The following NCALD variants were observed in gnomAD, a reference collection of about 807,000 sequenced individuals.
NCALD encodes neurocalcin-delta.
Under a neutral mutation model 18.6 loss-of-function variants are expected in NCALD, and 10 were observed. That is an observed-to-expected ratio of 0.54 (90% confidence interval 0.33 to 0.91). The LOEUF (loss-of-function observed/expected upper bound fraction) is 0.91, where lower values mean the gene tolerates loss of function less well. Ranked by LOEUF, NCALD falls within the 40% of genes least tolerant of loss-of-function variation. The pLI is 0.03. For missense variants in NCALD, 184 were observed against 247.6 expected, an observed-to-expected ratio of 0.74 and a Z score of 1.72; for synonymous variants, 88 against 87.4, an observed-to-expected ratio of 1.01 and a Z score of -0.04.
intron 4 of NCALD, among the ~76,000 whole-genome samples, chr8:101,801,335 A>G (rs1032577809): frequency 6.6e-6 from 1 of 152,200 alleles, no homozygotes; most frequent in African/African-American, 2.4e-5. Context: ...TTAAATTACA[A>G]AATTAACCAA....
chr8:101,793,629 T>A (rs1363975175), upstream of NCALD, among the ~76,000 whole-genome samples: 2 of 152,306 alleles, frequency 1.3e-5, no homozygotes, highest in East Asian at 3.9e-4. Flanking sequence ...GTTGAAAGTA[T>A]CACAGGAAAT....
chr8:101,853,866 C>A (rs553312294), intron 4 of NCALD, among the ~76,000 whole-genome samples: 4 of 152,252 alleles, frequency 2.6e-5, no homozygotes, highest in South Asian at 4.1e-4. Flanking sequence ...TCCTTTCCAC[C>A]AACCTAGGGT....
At chr8:101,748,207 T>C (rs755097940) in intron 1 of NCALD, among the ~76,000 whole-genome samples, 3 of 152,114 alleles carry the variant, frequency 2.0e-5, no homozygotes, top group Non-Finnish European at 2.9e-5. Context: ...TGTGTCCCCA[T>C]GGCTTATTAA....
intron 1 of NCALD, among the ~76,000 whole-genome samples, chr8:101,732,417 T>G (rs932379814): frequency 6.6e-6 from 1 of 152,012 alleles, no homozygotes; most frequent in East Asian, 1.9e-4. Flanking sequence ...AGACCCTCCA[T>G]AGACTCTAAG....
At chr8:101,939,466 T>C (rs1352978425) in intron 2 of NCALD, among the ~76,000 whole-genome samples, 3 of 152,222 alleles carry the variant, frequency 2.0e-5, no homozygotes, top group African/African-American at 7.2e-5. Context: ...TTTCAATGAC[T>C]TAGATAATGA....
At chr8:101,722,583 C>G (rs904257094) in intron 1 of NCALD, among the ~76,000 whole-genome samples, 2 of 152,202 alleles carry the variant, frequency 1.3e-5, no homozygotes, top group African/African-American at 4.8e-5. Flanking sequence ...TAAATCTACT[C>G]TCTTAAAGAA....
intron 1 of NCALD, among the ~76,000 whole-genome samples, chr8:101,722,178 G>A (rs1816390546): frequency 1.3e-5 from 2 of 152,078 alleles, no homozygotes; most frequent in Non-Finnish European, 1.5e-5. Context: ...TTATGCAAAA[G>A]CAAAATTCAA....
intron 4 of NCALD, among the ~76,000 whole-genome samples, chr8:101,854,146 G>A (rs1002736362): frequency 2.0e-5 from 3 of 152,210 alleles, no homozygotes; most frequent in Non-Finnish European, 2.9e-5. Context: ...AAAGGAGAGA[G>A]TATTCCCTTA....
At chr8:101,947,096 C>T (rs1427562687) in intron 2 of NCALD, among the ~76,000 whole-genome samples, 1 of 152,178 alleles carries the variant, frequency 6.6e-6, no homozygotes, top group African/African-American at 2.4e-5. Context: ...GGAGATGGAA[C>T]ATGGCTTTAT....
At chr8:102,121,031 G>T (rs1825929918) in intron 1 of NCALD, among the ~76,000 whole-genome samples, 1 of 152,160 alleles carries the variant, frequency 6.6e-6, no homozygotes, top group Non-Finnish European at 1.5e-5. Flanking sequence ...CTTTCTTGCT[G>T]AGCCCAGACC....
chr8:101,897,184 C>A (rs1420397316), intron 3 of NCALD, among the ~76,000 whole-genome samples: 1 of 124,158 alleles, frequency 8.1e-6, no homozygotes, highest in African/African-American at 3.2e-5. Flanking sequence ...TACTATGCAG[C>A]CATAAAAAAT....
exon 1 of NCALD, chr8:102,124,296 C>G (rs921538520): frequency 6.6e-6 from 1 of 151,518 alleles, no homozygotes; most frequent in Admixed American, 6.6e-5. Context: ...GCAGCGGCAG[C>G]GCCTTCCCTC....
intron 1 of NCALD, among the ~76,000 whole-genome samples, chr8:102,091,399 T>G (rs1824919010): frequency 6.6e-6 from 1 of 152,232 alleles, no homozygotes; most frequent in Non-Finnish European, 1.5e-5. Flanking sequence ...TTCTGCAACT[T>G]AGGCTAACCT....
intron 1 of NCALD, among the ~76,000 whole-genome samples, chr8:102,091,767 G>T (rs1824931354): frequency 6.6e-6 from 1 of 152,106 alleles, no homozygotes; most frequent in Non-Finnish European, 1.5e-5. Flanking sequence ...AGTTATGAAT[G>T]GCCCTCACCA....
intron 2 of NCALD, among the ~76,000 whole-genome samples, chr8:101,710,457 A>G (rs1347088709): frequency 1.3e-5 from 2 of 152,218 alleles, no homozygotes; most frequent in African/African-American, 4.8e-5. Flanking sequence ...CAGGGAGCCA[A>G]GTGGTCTTGC....
At chr8:102,067,186 T>G (rs913356838) in intron 1 of NCALD, among the ~76,000 whole-genome samples, 6 of 152,222 alleles carry the variant, frequency 3.9e-5, no homozygotes, top group Admixed American at 3.3e-4. Context: ...ACCTGTTATA[T>G]GTGCAAACCC....
intron 2 of NCALD, among the ~76,000 whole-genome samples, chr8:101,990,448 C>T (rs556070410): frequency 2.0e-5 from 3 of 152,164 alleles, no homozygotes; most frequent in Non-Finnish European, 4.4e-5. Flanking sequence ...TGGCCAGTGT[C>T]CCCACCCAAA....
At chr8:101,872,663 T>A (rs1413308041) in intron 4 of NCALD, 3 of 387,810 alleles carry the variant, frequency 7.7e-6, no homozygotes, top group Non-Finnish European at 1.4e-5. Context: ...GTCAATCAAA[T>A]CTATACCATG....
intron 3 of NCALD, among the ~76,000 whole-genome samples, chr8:101,890,935 T>C (rs571161301): frequency 4.7e-4 from 71 of 152,190 alleles, no homozygotes; most frequent in Non-Finnish European, 8.5e-4. Context: ...ACTTGAGTGA[T>C]AGTCATTAAA....
Sources: allele counts gnomAD v4.1 joint callset (sites outside exome capture counted in the v4.1 genomes callset), GRCh38; gene constraint gnomAD v4.1.1; transcripts MANE v1.5; gene names NCBI Gene and HGNC (gene_info 2026-07-23, HGNC 2026-07-21).